The following RABGAP1 variants were observed in gnomAD, a reference collection of about 807,000 sequenced individuals.
RABGAP1 encodes the protein rab GTPase-activating protein 1.
A neutral mutation model predicts 137.6 loss-of-function variants in RABGAP1; 23 were observed. The observed-to-expected ratio is 0.17, with a 90% CI of 0.12 to 0.24. The LOEUF (loss-of-function observed/expected upper bound fraction) is 0.24. Ranked by LOEUF, RABGAP1 falls within the 10% of genes least tolerant of loss-of-function variation. RABGAP1 has a pLI of 1.00. For synonymous variants in RABGAP1, 451 were observed against 450.7 expected (o/e 1.00, Z -0.01); for missense variants, 906 against 1,275.8 (o/e 0.71, Z 4.42).
intron 2 of RABGAP1, among the ~76,000 whole-genome samples, chr9:122,962,399 G>A (rs549090038): frequency 3.5e-3 from 273 of 77,118 alleles, no homozygotes; most frequent in Non-Finnish European, 0.011. Flanking sequence ...TGTGTCTGTA[G>A]TCAGAAGGTG....
intron 21 of RABGAP1, among the ~76,000 whole-genome samples, chr9:123,093,724 A>G (rs2035099671): frequency 6.6e-6 from 1 of 152,254 alleles, no homozygotes; most frequent in Non-Finnish European, 1.5e-5. Flanking sequence ...TTTATAATAA[A>G]TCTTAAAATC....
chr9:123,033,876 T>A (rs947403145), intron 13 of RABGAP1: 19 of 152,312 alleles, frequency 1.2e-4, no homozygotes, highest in Admixed American at 1.2e-3. Context: ...AGTGAAAGGT[T>A]TTCCTAAATA....
chr9:123,010,044 T>C (rs1381179171), intron 10 of RABGAP1, among the ~76,000 whole-genome samples: 6 of 152,186 alleles, frequency 3.9e-5, no homozygotes, highest in Non-Finnish European at 8.8e-5. Flanking sequence ...GGTTAAACAT[T>C]GGTAGTTGGA....
intron 13 of RABGAP1, chr9:123,062,228 A>G (rs995562403): frequency 2.0e-5 from 3 of 152,300 alleles, no homozygotes; most frequent in African/African-American, 7.2e-5. Context: ...AGATTGCTCC[A>G]TTGTACTCCA....
intron 13 of RABGAP1, chr9:123,029,651 A>C: frequency 1.4e-6 from 1 of 715,720 alleles, no homozygotes; most frequent in Non-Finnish European, 2.6e-6. Flanking sequence ...CCTTTGGACC[A>C]TTTCTTCTTT....
At chr9:123,044,661 ATG>A (rs1353511993) in intron 13 of RABGAP1, among the ~76,000 whole-genome samples, 3 of 149,622 alleles carry the variant, frequency 2.0e-5, no homozygotes, top group Non-Finnish European at 2.9e-5. Flanking sequence ...GTGTATGTGT[ATG>A]TATATGAGTA....
chr9:123,057,416 G>C (rs1444945874), intron 13 of RABGAP1, among the ~76,000 whole-genome samples: 2 of 151,470 alleles, frequency 1.3e-5, no homozygotes, highest in Admixed American at 6.6e-5. Context: ...TCCCAGACGG[G>C]GCGGCAGGGC....
In RABGAP1 at chr9:123,065,486, G is replaced by T. The variant is rs147301948; in HGVS notation, c.1908+25G>T. The T allele has an allele frequency of 3.0e-3, 4,394 of 1,442,380 alleles. 11 individuals carry two copies. Among genetic ancestry groups the T allele is most frequent in the African/African-American group, 5.7e-3 (408 of 71,318 alleles). The allele number at this position is 1,442,380 out of a possible 1,614,324, so 89.3% of individuals were successfully genotyped here. A position where few individuals can be genotyped will look rare whatever the true frequency, so the allele number is the denominator to read the frequency against. On this transcript the variant is annotated intron_variant, in intron 14 of 25. Coordinates refer to ENST00000373647, the MANE Select transcript of RABGAP1 (RefSeq NM_012197.4). ...GGTATTTCATGTCAAAAAAAAAAAG[G>T]ACTCAATTCTGAGTGGTGGTTCTAC...
intron 21 of RABGAP1, among the ~76,000 whole-genome samples, chr9:123,091,699 T>C (rs988263139): frequency 6.6e-6 from 1 of 151,964 alleles, no homozygotes; most frequent in Non-Finnish European, 1.5e-5. Flanking sequence ...TACAAATAAC[T>C]GAATTTAACA....
intron 13 of RABGAP1, among the ~76,000 whole-genome samples, chr9:123,031,015 T>C (rs2032269763): frequency 6.6e-6 from 1 of 152,152 alleles, no homozygotes; most frequent in Non-Finnish European, 1.5e-5. Flanking sequence ...TTCACTAAAA[T>C]AGAAACAAAG....
chr9:123,046,656 A>G (rs2033221401), intron 13 of RABGAP1, among the ~76,000 whole-genome samples: 1 of 152,236 alleles, frequency 6.6e-6, no homozygotes, highest in African/African-American at 2.4e-5. Flanking sequence ...TGCAGTAAGC[A>G]CTCAGTACAT....
intron 2 of RABGAP1, among the ~76,000 whole-genome samples, chr9:122,969,647 T>TAA (rs529931499): frequency 1.4e-5 from 2 of 146,482 alleles, no homozygotes; most frequent in Admixed American, 6.8e-5. Flanking sequence ...CAAAATGACT[T>TAA]AAAAAAAAAA....
At chr9:123,073,473 T>A in intron 15 of RABGAP1, 79 bp from the exon 16 acceptor site, 1 of 1,512,466 alleles carries the variant, frequency 6.6e-7, no homozygotes, top group Non-Finnish European at 8.9e-7. Context: ...CTGGATTTAA[T>A]ATCCTGAGAA....
At chr9:123,003,686 T>TTATA (rs756705495) in intron 10 of RABGAP1, among the ~76,000 whole-genome samples, 10 of 152,198 alleles carry the variant, frequency 6.6e-5, no homozygotes, top group Non-Finnish European at 1.5e-4. Context: ...TGTGAGACTG[T>TTATA]TATATTAAGA....
At chr9:123,074,462 G>A (rs1199104486) in intron 17 of RABGAP1, 34 bp downstream of exon 17, 2 of 1,580,932 alleles carry the variant, frequency 1.3e-6, no homozygotes, top group South Asian at 2.3e-5. Flanking sequence ...TTTGGCTTTT[G>A]TTTGCAGTGT....
chr9:123,021,610 C>T (rs568625595), intron 13 of RABGAP1, among the ~76,000 whole-genome samples: 1 of 152,256 alleles, frequency 6.6e-6, no homozygotes, highest in African/African-American at 2.4e-5. Flanking sequence ...TGTGAGCTGC[C>T]TCACCTGGCC....
At chr9:122,969,945 G>A (rs1835385895) in intron 2 of RABGAP1, among the ~76,000 whole-genome samples, 1 of 152,126 alleles carries the variant, frequency 6.6e-6, no homozygotes, top group Admixed American at 6.5e-5. Context: ...TGCCCAGGCT[G>A]GAGTGGAGTG....
At chr9:122,993,406 G>C (rs2131800827) in intron 6 of RABGAP1, among the ~76,000 whole-genome samples, 1 of 152,132 alleles carries the variant, frequency 6.6e-6, no homozygotes, top group Middle Eastern at 3.4e-3. Flanking sequence ...CGAGTAGCTG[G>C]AATTATAGGT....
intron 13 of RABGAP1, among the ~76,000 whole-genome samples, chr9:123,030,689 G>A (rs954040453): frequency 1.3e-5 from 2 of 152,082 alleles, no homozygotes; most frequent in Non-Finnish European, 2.9e-5. Context: ...ATTTCTCTGT[G>A]TTGGGAACAT....
Sources: gnomAD v4.1 joint callset for allele counts (sites outside exome capture counted in the v4.1 genomes callset) on GRCh38, gnomAD v4.1.1 for gene constraint, MANE v1.5 for transcripts, NCBI Gene and HGNC (gene_info 2026-07-23, HGNC 2026-07-21) for gene names.